CA10: variants seen among roughly 807,000 people sequenced by gnomAD.
CA10 encodes carbonic anhydrase-related protein 10.
Under a neutral mutation model 44.2 loss-of-function variants are expected in CA10, and 14 were observed. The observed-to-expected ratio is 0.32, with a 90% CI of 0.21 to 0.50. The LOEUF (loss-of-function observed/expected upper bound fraction) is 0.50, where lower values mean the gene tolerates loss of function less well. Ranked by LOEUF, CA10 falls within the 20% of genes least tolerant of loss-of-function variation. The pLI, the probability that CA10 is intolerant of heterozygous loss-of-function variation, is 0.99. For synonymous variants in CA10, 159 were observed against 141.6 expected (o/e 1.12, Z -0.87); for missense variants, 350 against 409.7 (o/e 0.85, Z 1.26).
intron 2 of CA10, among the ~76,000 whole-genome samples, chr17:52,004,681 T>G (rs1342691611): frequency 6.6e-6 from 1 of 151,908 alleles, no homozygotes; most frequent in Non-Finnish European, 1.5e-5. Flanking sequence ...ACATCATTTC[T>G]ACAAAATGCT....
At chr17:51,907,883 G>A (rs1480490544) in intron 3 of CA10, among the ~76,000 whole-genome samples, 1 of 151,856 alleles carries the variant, frequency 6.6e-6, no homozygotes, top group African/African-American at 2.4e-5. Context: ...CATGTCAGAG[G>A]ATGTTTCCTG....
chr17:52,038,420 C>T (rs1227561723), intron 2 of CA10, among the ~76,000 whole-genome samples: 1 of 152,154 alleles, frequency 6.6e-6, no homozygotes, highest in African/African-American at 2.4e-5. Flanking sequence ...TATGTCAGTA[C>T]AAAATTGAAT....
chr17:51,990,842 G>C (rs1055318124), intron 2 of CA10, among the ~76,000 whole-genome samples: 54 of 152,084 alleles, frequency 3.6e-4, no homozygotes, highest in African/African-American at 1.3e-3. Flanking sequence ...TCAACACCTA[G>C]TTGCTTTTCG....
intron 4 of CA10, among the ~76,000 whole-genome samples, chr17:51,658,135 A>T (rs1184130141): frequency 1.3e-5 from 2 of 152,232 alleles, no homozygotes; most frequent in Middle Eastern, 3.2e-3. Context: ...GGCTGGTGCC[A>T]TGATGCAGTG....
chr17:51,711,729 G>T (rs372178621), intron 4 of CA10, among the ~76,000 whole-genome samples: 2 of 152,216 alleles, frequency 1.3e-5, no homozygotes, highest in Non-Finnish European at 2.9e-5. Context: ...ATAGGAGGGC[G>T]CTGGAGTATG....
chr17:51,801,620 T>G (rs573773624), intron 3 of CA10, among the ~76,000 whole-genome samples: 6 of 152,122 alleles, frequency 3.9e-5, no homozygotes, highest in Admixed American at 6.5e-5. Context: ...AAACGAAATC[T>G]AGAAAGAAGA....
At chr17:51,680,319 T>C (rs1024667993) in intron 4 of CA10, among the ~76,000 whole-genome samples, 1 of 152,152 alleles carries the variant, frequency 6.6e-6, no homozygotes, top group Admixed American at 6.5e-5. Context: ...TGACTACAGA[T>C]CTCAGTGTCG....
intron 4 of CA10, among the ~76,000 whole-genome samples, chr17:51,701,927 C>A (rs1007230276): frequency 2.6e-5 from 4 of 152,286 alleles, no homozygotes; most frequent in African/African-American, 9.6e-5. Context: ...CCTCCGGCCA[C>A]CCCATCCTGC....
intron 4 of CA10, among the ~76,000 whole-genome samples, chr17:51,692,955 G>A (rs553591927): frequency 2.1e-4 from 32 of 152,200 alleles, no homozygotes; most frequent in East Asian, 5.8e-4. Context: ...GGTGTTGGCC[G>A]GTTTCAACAG....
At chr17:51,766,293 T>C (rs1283243283) in intron 3 of CA10, among the ~76,000 whole-genome samples, 3 of 152,220 alleles carry the variant, frequency 2.0e-5, no homozygotes, top group Non-Finnish European at 4.4e-5. Context: ...TAGAAGTGGA[T>C]GAAAATGAAT....
intron 3 of CA10, among the ~76,000 whole-genome samples, chr17:51,782,295 C>A (rs1906094097): frequency 6.6e-6 from 1 of 152,212 alleles, no homozygotes; most frequent in African/African-American, 2.4e-5. Flanking sequence ...TGCTAAGCAG[C>A]ATTATAACAG....
At chr17:51,693,015 G>T (rs1915273511) in intron 4 of CA10, among the ~76,000 whole-genome samples, 1 of 152,174 alleles carries the variant, frequency 6.6e-6, no homozygotes, top group African/African-American at 2.4e-5. Flanking sequence ...ATTTGGTTTT[G>T]ACTGGTTTCA....
chr17:51,940,860 G>T (rs1983051793), intron 2 of CA10, among the ~76,000 whole-genome samples: 1 of 152,002 alleles, frequency 6.6e-6, no homozygotes, highest in Non-Finnish European at 1.5e-5. Flanking sequence ...TAAAATCAGG[G>T]TCATAAGAGG....
In CA10 at chr17:52,020,802, C is replaced by T. The variant is rs117437631; in HGVS notation, c.136+51517G>A. Reference sequence around the variant, plus strand: ...ATAAATAGTTTTTCAACCCTTGCCCCATCCTTCTTTACCCCCTCCAGTGTC... The same window carrying T: ...ATAAATAGTTTTTCAACCCTTGCCCTATCCTTCTTTACCCCCTCCAGTGTC... On this transcript the variant is annotated intron_variant, in intron 2 of 8. Transcript: ENST00000451037. 1.3e-4 allele frequency among the ~76,000 whole-genome samples: 20 copies of T among 152,088 alleles called. No homozygotes were observed. In the East Asian group the frequency reaches 3.9e-3, roughly 30 times the overall value.
intron 1 of CA10, among the ~76,000 whole-genome samples, chr17:52,145,139 A>C (rs1989557441): frequency 6.6e-6 from 1 of 152,154 alleles, no homozygotes. Flanking sequence ...CACAAATGTT[A>C]TTTGGGTTAT....
chr17:51,878,155 AAAAAAAAAAAAAG>A, intron 3 of CA10, among the ~76,000 whole-genome samples: 1 of 150,966 alleles, frequency 6.6e-6, no homozygotes, highest in African/African-American at 2.4e-5. Context: ...AAAAAAAAAA[AAAAAAAAAAAAAG>A]AAAAAGGAAA....
intron 8 of CA10, 28 bp downstream of exon 8, chr17:51,633,448 C>A (rs1250170176): frequency 6.2e-7 from 1 of 1,600,954 alleles, no homozygotes; most frequent in Non-Finnish European, 8.5e-7. Flanking sequence ...TAGCCTAGAT[C>A]CTCCACTCTC....
intron 3 of CA10, among the ~76,000 whole-genome samples, chr17:51,807,328 C>T (rs1242034330): frequency 6.6e-6 from 1 of 152,170 alleles, no homozygotes; most frequent in Non-Finnish European, 1.5e-5. Context: ...TTTCAGGTTA[C>T]ACAGGTATTT....
chr17:51,689,109 G>A (rs1915103026), intron 4 of CA10, among the ~76,000 whole-genome samples: 1 of 152,178 alleles, frequency 6.6e-6, no homozygotes, highest in Admixed American at 6.5e-5. Flanking sequence ...CAGAGAAAGG[G>A]AGCACCCTAT....
Sources: allele counts gnomAD v4.1 joint callset (sites outside exome capture counted in the v4.1 genomes callset), GRCh38; gene constraint gnomAD v4.1.1; transcripts MANE v1.5; gene names NCBI Gene and HGNC (gene_info 2026-07-23, HGNC 2026-07-21).